The following DNAH11 variants were observed in gnomAD, a reference collection of about 807,000 sequenced individuals.
The protein encoded by DNAH11 is axonemal beta dynein heavy chain 11.
A neutral mutation model predicts 526.0 loss-of-function variants in DNAH11; 442 were observed. That is an observed-to-expected ratio of 0.84 (90% confidence interval 0.78 to 0.91). DNAH11 has a LOEUF of 0.91. DNAH11 is among the 40% of genes least tolerant of loss of function. The probability of loss-of-function intolerance (pLI) is 0.00; values close to 1 mark genes in which losing one functional copy is unlikely to be tolerated. For synonymous variants in DNAH11, 2,461 were observed against 1,935.9 expected (o/e 1.27, Z -7.12); for missense variants, 6,989 against 5,448.7 (o/e 1.28, Z -8.90).
chr7:21,850,152 T>A lies in DNAH11; in HGVS notation c.10897-2315T>A, dbSNP rs1256562237. On this transcript the variant is annotated intron_variant, in intron 66 of 81. Transcript: ENST00000409508. ...CAGGCGGATCACAAGGTCAGGAGAT[T>A]GAGACCATCCTGGCTAACACGGTGA... Among the ~76,000 whole-genome samples, 4 of 151,664 alleles carry A rather than the reference T, an allele frequency of 2.6e-5. 1 individual carries two copies. The South Asian group carries it at 8.3e-4, about 32-fold the overall frequency.
chr7:21,722,172 G>C (rs1784904868), intron 44 of DNAH11, among the ~76,000 whole-genome samples: 1 of 152,134 alleles, frequency 6.6e-6, no homozygotes, highest in African/African-American at 2.4e-5. Context: ...CTTTACAATG[G>C]TTCTTCAAGG....
chr7:21,797,223 T>C (rs1452778139), intron 61 of DNAH11, among the ~76,000 whole-genome samples: 2 of 152,166 alleles, frequency 1.3e-5, no homozygotes, highest in African/African-American at 2.4e-5. Context: ...TTGAACTTTT[T>C]TTTTTTTCCT....
At chr7:21,648,869 A>C (rs1409482485) in intron 28 of DNAH11, among the ~76,000 whole-genome samples, 1 of 152,104 alleles carries the variant, frequency 6.6e-6, no homozygotes, top group Non-Finnish European at 1.5e-5. Context: ...TGTTTTCTTT[A>C]TTTCTTTAAT....
intron 38 of DNAH11, 103 bp from the exon 39 acceptor site, chr7:21,705,357 G>T: frequency 4.6e-6 from 5 of 1,075,656 alleles, no homozygotes; most frequent in South Asian, 2.8e-5. Flanking sequence ...GTCAGTGGGG[G>T]CTGGCTTGGG....
intron 76 of DNAH11, among the ~76,000 whole-genome samples, chr7:21,885,817 AC>A (rs1309933625): frequency 3.3e-5 from 5 of 152,150 alleles, no homozygotes; most frequent in African/African-American, 9.7e-5. Flanking sequence ...GAGGTAGATC[AC>A]CCCTGTAGGT....
Position 21,735,487 on chromosome 7 carries a change from T to C in DNAH11, c.7441-153T>C, listed in dbSNP as rs114360918. Among the ~76,000 whole-genome samples, 365 of 152,324 alleles carry C rather than the reference T, an allele frequency of 2.4e-3. 2 individuals carry two copies. The highest frequency in any genetic ancestry group is 7.1e-3 in the African/African-American group (294 of 41,584). On this transcript the variant is annotated intron_variant, in intron 45 of 81. Coordinates refer to ENST00000409508, the MANE Select transcript of DNAH11 (RefSeq NM_001277115.2). Reference sequence around the variant, plus strand: ...TCAAAATTGAAAATAAGGTGGAATCTCTCCTGTTGGGTGCTAATCTGAACT... The same window carrying C: ...TCAAAATTGAAAATAAGGTGGAATCCCTCCTGTTGGGTGCTAATCTGAACT...
chr7:21,836,194 C>G (rs144996012), intron 65 of DNAH11, among the ~76,000 whole-genome samples: 89 of 152,134 alleles, frequency 5.9e-4, no homozygotes, highest in Non-Finnish European at 7.5e-4. Flanking sequence ...TCTACACGTT[C>G]AATGTAATCC....
chr7:21,886,698 T>C (rs902501891), intron 76 of DNAH11, among the ~76,000 whole-genome samples: 2 of 152,206 alleles, frequency 1.3e-5, no homozygotes, highest in Non-Finnish European at 2.9e-5. Flanking sequence ...AGGGGAGAAT[T>C]ACTGTTGCCA....
intron 67 of DNAH11, among the ~76,000 whole-genome samples, chr7:21,853,393 A>G (rs1056841584): frequency 4.6e-5 from 7 of 152,222 alleles, no homozygotes; most frequent in Admixed American, 2.0e-4. Context: ...TGGAATCCCA[A>G]ATTACTCTGT....
At chr7:21,612,616 A>G (rs964464044) in intron 20 of DNAH11, among the ~76,000 whole-genome samples, 1 of 151,678 alleles carries the variant, frequency 6.6e-6, no homozygotes, top group Non-Finnish European at 1.5e-5. Flanking sequence ...GTGAATCTTA[A>G]GAAGCTTTCA....
Position 21,899,391 on chromosome 7 carries a change from A to C in DNAH11, c.13105A>C (p.Thr4369Pro), listed in dbSNP as rs1204054691. Residue 4369 changes from threonine (T) to proline (P), a missense_variant, in exon 80 of 82, where the codon ACC (threonine) becomes CCC (proline). By Grantham distance (38) the Thr-to-Pro change is conservative. Transcript: ENST00000409508. ...ACTCGATACTTGGACACAAGACCTTACCCTTCCGGCTGTCGTGTGGCTCTC... is the reference window on the plus strand; with the variant it reads ...ACTCGATACTTGGACACAAGACCTTCCCCTTCCGGCTGTCGTGTGGCTCTC... The part of the protein sequence containing the change: ...RELDTWTQDL[T>P]LPAVVWLSGF... 1 of 1,613,832 alleles carries C rather than the reference A, an allele frequency of 6.2e-7. No individual in the cohort carries two copies. The highest frequency in any genetic ancestry group is 1.1e-5 in the South Asian group (1 of 91,072).
intron 32 of DNAH11, among the ~76,000 whole-genome samples, chr7:21,686,358 G>T (rs1783374722): frequency 6.6e-6 from 1 of 152,168 alleles, no homozygotes; most frequent in Admixed American, 6.5e-5. Context: ...CCTGCTGTCT[G>T]TACTAAGAGA....
intron 65 of DNAH11, among the ~76,000 whole-genome samples, chr7:21,820,308 A>G (rs1461048542): frequency 6.6e-6 from 1 of 152,210 alleles, no homozygotes; most frequent in African/African-American, 2.4e-5. Context: ...CCTATAAACA[A>G]TCAGTGAATG....
At chr7:21,640,213 C>G (rs776066717) in intron 28 of DNAH11, among the ~76,000 whole-genome samples, 4 of 152,086 alleles carry the variant, frequency 2.6e-5, no homozygotes, top group Non-Finnish European at 5.9e-5. Context: ...GACTATGAAT[C>G]TACTATATCC....
At chr7:21,601,320 C>T (rs1010765150) in intron 17 of DNAH11, 76 bp from the exon 18 acceptor site, 5 of 1,458,716 alleles carry the variant, frequency 3.4e-6, no homozygotes, top group Non-Finnish European at 3.7e-6. Context: ...AAATAAGATT[C>T]AATCAGAAGT....
chr7:21,635,504 T>C (rs924393591), intron 25 of DNAH11, among the ~76,000 whole-genome samples: 6 of 152,134 alleles, frequency 3.9e-5, no homozygotes, highest in African/African-American at 1.2e-4. Flanking sequence ...TTGGCATGAC[T>C]AATAGGCAGG....
At chr7:21,847,904 G>A (rs554932550) in intron 66 of DNAH11, among the ~76,000 whole-genome samples, 15 of 152,108 alleles carry the variant, frequency 9.9e-5, no homozygotes, top group South Asian at 2.1e-4. Flanking sequence ...AGTGGCTCAC[G>A]CCTGTAATCC....
intron 57 of DNAH11, among the ~76,000 whole-genome samples, chr7:21,780,864 G>C (rs1385127289): frequency 6.6e-6 from 1 of 152,092 alleles, no homozygotes; most frequent in African/African-American, 2.4e-5. Context: ...GACAAGCAGG[G>C]GTCTCTCATG....
At position 21,570,264 on chromosome 7, in the gene DNAH11, T is replaced by C. The variant is rs761097711; in HGVS notation, c.1390T>C (p.Phe464Leu). The change falls in exon 7 of 82, where the codon TTT (phenylalanine) becomes CTT (leucine). Residue 464 changes from phenylalanine to leucine, a missense_variant. Coordinates refer to ENST00000409508, the MANE Select transcript of DNAH11 (RefSeq NM_001277115.2). Reference sequence around the variant, plus strand: ...CCAGTCTCATCTGGTGTTTTGCAGATTTGACAAGTTTCTTGATCGTTTAAT... The same window carrying C: ...CCAGTCTCATCTGGTGTTTTGCAGACTTGACAAGTTTCTTGATCGTTTAAT... ...DFQSHLVFCR[F>L]DKFLDRLIKI... is the part of the protein sequence containing the mutation. 1.2e-6 allele frequency: 2 copies of C among 1,610,072 alleles called. No homozygotes were observed. The highest frequency in any genetic ancestry group is 3.4e-5 in the Admixed American group (2 of 59,382).
Sources: gnomAD v4.1 joint callset for allele counts (sites outside exome capture counted in the v4.1 genomes callset) on GRCh38, gnomAD v4.1.1 for gene constraint, MANE v1.5 for transcripts, NCBI Gene and HGNC (gene_info 2026-07-23, HGNC 2026-07-21) for gene names.